LPAR6: variants seen among roughly 807,000 people sequenced by gnomAD.
LPAR6 encodes the protein G-protein coupled purinergic receptor P2Y5.
Under a neutral mutation model 22.0 loss-of-function variants are expected in LPAR6, and 17 were observed. The ratio of observed to expected loss-of-function variants is 0.77; its 90% CI spans 0.53 to 1.16. The LOEUF is 1.16. LPAR6 is among the 50% of genes most tolerant of loss of function. The probability of loss-of-function intolerance (pLI) is 0.00; values close to 1 mark genes in which losing one functional copy is unlikely to be tolerated. For missense variants in LPAR6, 384 were observed against 406.9 expected, an observed-to-expected ratio of 0.94 and a Z score of 0.48; for synonymous variants, 136 against 139.8, an observed-to-expected ratio of 0.97 and a Z score of 0.19.
At chr13:48,413,510 A>G (rs185485877), upstream of LPAR6, among the ~76,000 whole-genome samples, 9 of 152,362 alleles carry the variant, frequency 5.9e-5, no homozygotes, top group Admixed American at 2.0e-4. Context: ...ATATCTTAAC[A>G]TAGCATTTCA....
chr13:48,427,059 T>G (rs1003906045), upstream of LPAR6, among the ~76,000 whole-genome samples: 52 of 152,218 alleles, frequency 3.4e-4, no homozygotes, highest in African/African-American at 1.2e-3. Flanking sequence ...GAGAGCTCGG[T>G]TATCACCAAG....
chr13:48,437,786 C>A (rs9595907), intron 1 of LPAR6, among the ~76,000 whole-genome samples: 127 of 152,300 alleles, frequency 8.3e-4, no homozygotes, highest in African/African-American at 2.9e-3. Flanking sequence ...GACATGCCAT[C>A]ACTTCTGCCC....
chr13:48,405,233 A>G (rs1948729457), intron 1 of LPAR6, among the ~76,000 whole-genome samples: 1 of 152,204 alleles, frequency 6.6e-6, no homozygotes, highest in Non-Finnish European at 1.5e-5. Context: ...TCAACAACAA[A>G]ATGGTTTCTT....
At chr13:48,419,194 C>T (rs139625576) in intron 2 of LPAR6, among the ~76,000 whole-genome samples, 67 of 152,308 alleles carry the variant, frequency 4.4e-4, no homozygotes, top group African/African-American at 1.4e-3. Flanking sequence ...GTCTCTGAGA[C>T]CTCAGTGCAA....
At chr13:48,405,189 C>T (rs1948728804) in intron 1 of LPAR6, among the ~76,000 whole-genome samples, 1 of 152,158 alleles carries the variant, frequency 6.6e-6, no homozygotes, top group Non-Finnish European at 1.5e-5. Context: ...GTTTGTTCCA[C>T]ATGAGAAATC....
chr13:48,418,440 A>G (rs1948950973), intron 2 of LPAR6, among the ~76,000 whole-genome samples: 1 of 152,208 alleles, frequency 6.6e-6, no homozygotes, highest in Non-Finnish European at 1.5e-5. Context: ...CCAAATTGTA[A>G]AGACCATTGA....
At chr13:48,395,333 C>A (rs1236390917) in intron 1 of LPAR6, among the ~76,000 whole-genome samples, 1 of 152,070 alleles carries the variant, frequency 6.6e-6, no homozygotes, top group Non-Finnish European at 1.5e-5. Context: ...AACCAGAGCG[C>A]CTTTTCTCTT....
intron 1 of LPAR6, among the ~76,000 whole-genome samples, chr13:48,433,808 T>A (rs1202086637): frequency 6.6e-6 from 1 of 152,084 alleles, no homozygotes; most frequent in Non-Finnish European, 1.5e-5. Context: ...ATTCATCATC[T>A]TTGAATTAGT....
At chr13:48,404,317 A>C (rs1385882518) in intron 1 of LPAR6, 1 of 152,102 alleles carries the variant, frequency 6.6e-6, no homozygotes, top group East Asian at 1.9e-4. Context: ...AATACAACAA[A>C]GTATTGTACT....
intron 2 of LPAR6, among the ~76,000 whole-genome samples, chr13:48,418,304 T>C (rs1948948444): frequency 6.6e-6 from 1 of 152,070 alleles, no homozygotes; most frequent in Non-Finnish European, 1.5e-5. Flanking sequence ...GAATGAGAAA[T>C]AAAATCCTTC....
intron 1 of LPAR6, among the ~76,000 whole-genome samples, chr13:48,393,640 A>G (rs1199295223): frequency 6.6e-6 from 1 of 152,234 alleles, no homozygotes; most frequent in Non-Finnish European, 1.5e-5. Context: ...GTACACTTAC[A>G]GAATATTTAG....
At chr13:48,398,060 C>T (rs1278907361) in intron 1 of LPAR6, among the ~76,000 whole-genome samples, 3 of 152,154 alleles carry the variant, frequency 2.0e-5, no homozygotes, top group African/African-American at 7.2e-5. Flanking sequence ...TTTTTAAAAG[C>T]ATGGGCCAGG....
chr13:48,431,620 A>C (rs776229264), upstream of LPAR6, among the ~76,000 whole-genome samples: 1 of 151,940 alleles, frequency 6.6e-6, no homozygotes, highest in Non-Finnish European at 1.5e-5. Flanking sequence ...ACATGTTTGG[A>C]AAATTTGAGG....
upstream of LPAR6, among the ~76,000 whole-genome samples, chr13:48,417,656 G>T (rs1364420852): frequency 2.6e-5 from 4 of 151,978 alleles, no homozygotes; most frequent in African/African-American, 7.2e-5. Context: ...TAGAGGAATT[G>T]CTACCTAAAA....
At chr13:48,415,184 A>G (rs995857543), upstream of LPAR6, among the ~76,000 whole-genome samples, 17 of 152,106 alleles carry the variant, frequency 1.1e-4, no homozygotes, top group Admixed American at 1.0e-3. Flanking sequence ...AAAATTTATT[A>G]ATTCTACTTG....
At chr13:48,416,002 T>C (rs917476472), upstream of LPAR6, among the ~76,000 whole-genome samples, 2 of 152,220 alleles carry the variant, frequency 1.3e-5, no homozygotes, top group African/African-American at 4.8e-5. Context: ...ATAGATACTT[T>C]TGTATTTGAT....
intron 1 of LPAR6, among the ~76,000 whole-genome samples, chr13:48,393,706 A>G (rs1474195264): frequency 3.3e-5 from 5 of 152,182 alleles, no homozygotes; most frequent in African/African-American, 9.7e-5. Flanking sequence ...CTGATGCATT[A>G]TACTGTTTCA....
chr13:48,412,644 A>G lies in LPAR6; in HGVS notation c.-221T>C, dbSNP rs1052230715. 1.7e-6 allele frequency: 1 copy of G among 582,432 alleles called. No individual in the cohort carries two copies. The highest frequency in any genetic ancestry group is 3.1e-6 in the Non-Finnish European group (1 of 319,280). The allele number at this position is 582,432 out of a possible 1,614,324, so 36.1% of individuals were successfully genotyped here. On this transcript the variant is annotated 5_prime_UTR_variant, in exon 1 of 1. It removes an upstream start codon present in the reference 5' UTR. Coordinates refer to ENST00000620633, the MANE Select transcript of LPAR6 (RefSeq NM_001162498.3). ...GGTTCTTCAACAGGAAAATATTTTC[A>G]TTTGTTAGTCTTTAGAAAATCCATG... is the stretch of plus-strand genomic sequence containing the variant.
intron 1 of LPAR6, among the ~76,000 whole-genome samples, chr13:48,436,017 T>C (rs1357585801): frequency 6.6e-6 from 1 of 152,138 alleles, no homozygotes; most frequent in Non-Finnish European, 1.5e-5. Context: ...AGAAATCTAT[T>C]GTAAATATAA....
Sources: gnomAD v4.1 joint callset for allele counts (sites outside exome capture counted in the v4.1 genomes callset) on GRCh38, gnomAD v4.1.1 for gene constraint, MANE v1.5 for transcripts, NCBI Gene and HGNC (gene_info 2026-07-23, HGNC 2026-07-21) for gene names.